Variants in KRT73 observed in about 807,000 individuals in gnomAD.
KRT73 encodes the protein keratin, type II cytoskeletal 73.
Under a neutral mutation model 47.2 loss-of-function variants are expected in KRT73, and 44 were observed. The observed-to-expected ratio is 0.93, with a 90% CI of 0.73 to 1.20. The LOEUF (loss-of-function observed/expected upper bound fraction) is 1.20, where lower values mean the gene tolerates loss of function less well. Ranked by LOEUF, KRT73 falls within the 50% of genes most tolerant of loss-of-function variation. KRT73 has a pLI of 0.00. For missense variants in KRT73, 713 were observed against 704.5 expected (o/e 1.01, Z -0.14); for synonymous variants, 285 against 291.3 (o/e 0.98, Z 0.22).
chr12:52,610,671 C>G lies in KRT73; in HGVS notation c.1275G>C (p.Leu425=), dbSNP rs755235803. The change falls in exon 7 of 9, where the codon CTG becomes CTC. Residue 425 remains leucine (L), a synonymous_variant. Coordinates refer to ENST00000305748, the MANE Select transcript of KRT73 (RefSeq NM_175068.3). ...REYQELLSVK[L]SLDIEIATYR... ...AGGTGGCGATCTCAATATCCAGGGA[C>G]AGCTTCACGCTCAAAAGCTCTTGGT... 4.3e-6 allele frequency: 7 copies of G among 1,613,862 alleles called. No individual in the cohort carries two copies. In the East Asian group the frequency reaches 8.9e-5, roughly 21 times the overall value.
chr12:52,611,909 A>C (rs1940711115), intron 5 of KRT73, among the ~76,000 whole-genome samples: 2 of 152,078 alleles, frequency 1.3e-5, no homozygotes. Context: ...GGTTGGGTGC[A>C]ATTCTATTCC....
rs375270081 is a variant in KRT73, at chr12:52,618,421, C to T, written c.104G>A (p.Gly35Glu). The T allele has an allele frequency of 6.2e-7, 1 of 1,614,150 alleles. No individual in the cohort carries two copies. Among genetic ancestry groups the T allele is most frequent in the Non-Finnish European group, 8.5e-7 (1 of 1,180,030 alleles). ...GAAGCCTCCACTGAGCCCTTTGCCC[C>T]CTGCTCGGTAGGAGGATGAGCTGCC... ...SGGSSSSYRA[G>E]GKGLSGGFSS... Residue 35 changes from glycine (G) to glutamate (E), a missense_variant, in exon 1 of 9, where the codon GGG (glycine) becomes GAG (glutamate). By Grantham distance (98) the Gly-to-Glu change is moderately conservative. Coordinates refer to ENST00000305748, the MANE Select transcript of KRT73 (RefSeq NM_175068.3).
chr12:52,628,243 G>A, the KRT73 span, among the ~76,000 whole-genome samples: 2 of 152,118 alleles, frequency 1.3e-5, no homozygotes, highest in Non-Finnish European at 2.9e-5. Flanking sequence ...CTTCTGCTAT[G>A]TTTTTATACT....
chr12:52,621,293 G>A (rs202211957), upstream of KRT73, among the ~76,000 whole-genome samples: 51,972 of 127,882 alleles, frequency 0.41, 10,880 homozygotes, highest in African/African-American at 0.44. Context: ...GAAAGAAAGG[G>A]GGGGGGGGGG....
chr12:52,609,256 C>A lies in KRT73; in HGVS notation c.1357G>T (p.Val453Leu). ...CRMSGEYTNSVSISVINSSMA... is the reference protein window; with the variant it reads ...CRMSGEYTNSLSISVINSSMA... Reference sequence around the variant, plus strand: ...GTCATGAAATACTCACAAATGCTCACGGAGTTGGTATATTCTCCGGACATC... The same window carrying A: ...GTCATGAAATACTCACAAATGCTCAAGGAGTTGGTATATTCTCCGGACATC... The change falls in exon 8 of 9, where the codon GTG becomes TTG. Residue 453 changes from valine to leucine, a missense_variant. Transcript: ENST00000305748. 1 of 1,613,618 alleles carries A rather than the reference C, an allele frequency of 6.2e-7. No homozygotes were observed. Among genetic ancestry groups the A allele is most frequent in the South Asian group, 1.1e-5 (1 of 91,042 alleles).
chr12:52,627,001 T>C, the KRT73 span, among the ~76,000 whole-genome samples: 1 of 152,222 alleles, frequency 6.6e-6, no homozygotes, highest in Non-Finnish European at 1.5e-5. Context: ...GACTGCAGTT[T>C]CTTATGCTCT....
At chr12:52,609,440 C>T (rs1940650255) in intron 7 of KRT73, among the ~76,000 whole-genome samples, 159 bp from the exon 8 acceptor site, 1 of 152,118 alleles carries the variant, frequency 6.6e-6, no homozygotes, top group Non-Finnish European at 1.5e-5. Context: ...TGTCTCTAAG[C>T]CCTCCCTCTC....
At chr12:52,619,402 T>A (rs375559474), upstream of KRT73, among the ~76,000 whole-genome samples, 1 of 152,208 alleles carries the variant, frequency 6.6e-6, no homozygotes, top group African/African-American at 2.4e-5. Context: ...GTTCAGATAA[T>A]TGAGGATGTC....
the KRT73 span, among the ~76,000 whole-genome samples, chr12:52,628,799 A>G: frequency 6.6e-6 from 1 of 152,318 alleles, no homozygotes; most frequent in South Asian, 2.1e-4. Context: ...GAAAAGAAAA[A>G]GAATTTGTTT....
At chr12:52,617,943 T>A in intron 1 of KRT73, 135 bp downstream of exon 1, 2 of 994,772 alleles carry the variant, frequency 2.0e-6, no homozygotes. Flanking sequence ...TTCAAGTTGT[T>A]TACCTGGTGT....
chr12:52,617,183 A>C (rs1188023896), intron 1 of KRT73, among the ~76,000 whole-genome samples: 3 of 152,066 alleles, frequency 2.0e-5, no homozygotes, highest in Admixed American at 6.5e-5. Context: ...CCCCACCTCC[A>C]TCTGAAAACT....
chr12:52,610,542 C>CCCCCCCCA, intron 7 of KRT73, 73 bp downstream of exon 7: 1 of 375,562 alleles, frequency 2.7e-6, no homozygotes, highest in Non-Finnish European at 4.5e-6. Flanking sequence ...CCCTCCCCCC[C>CCCCCCCCA]GCCCCCAACC....
chr12:52,609,637 C>G (rs1407661878), intron 7 of KRT73, among the ~76,000 whole-genome samples: 1 of 152,172 alleles, frequency 6.6e-6, no homozygotes, highest in Admixed American at 6.5e-5. Context: ...TACTAATGAA[C>G]GAACTGTATG....
chr12:52,610,529 G>GGGGGGGGCCCCC lies in KRT73; in HGVS notation c.1331+85_1331+86insGGGGGCCCCCCC. On this transcript the variant is annotated intron_variant, in intron 7 of 8. Coordinates refer to ENST00000305748, the MANE Select transcript of KRT73 (RefSeq NM_175068.3). Reference sequence around the variant, plus strand: ...GAAGTAAACACATCGCCAGCTCGCCGCCCCCTCCCCCCCGCCCCCAACCAC... The same window carrying GGGGGGGGCCCCC: ...GAAGTAAACACATCGCCAGCTCGCCGGGGGGGGCCCCCCCCCCTCCCCCCCGCCCCCAACCAC... 2 of 295,156 alleles carry GGGGGGGGCCCCC rather than the reference G, an allele frequency of 6.8e-6. 1 individual carries two copies. Among genetic ancestry groups the GGGGGGGGCCCCC allele is most frequent in the Non-Finnish European group, 1.4e-5 (2 of 147,648 alleles). The allele number at this position is 295,156 out of a possible 1,614,324, so 18.3% of individuals were successfully genotyped here.
At chr12:52,611,133 AG>A in intron 6 of KRT73, 70 bp downstream of exon 6, 6 of 1,562,792 alleles carry the variant, frequency 3.8e-6, no homozygotes, top group Non-Finnish European at 5.2e-6. Flanking sequence ...CAAGAGAAGG[AG>A]GGGGCAGGGG....
chr12:52,610,066 T>C (rs200370647), intron 7 of KRT73: 4 of 110,476 alleles, frequency 3.6e-5, no homozygotes, highest in Admixed American at 3.2e-4. Context: ...TTTTGTCTGT[T>C]TGTTTGTTTG....
intron 4 of KRT73, chr12:52,614,136 A>G: frequency 5.1e-6 from 2 of 390,896 alleles, no homozygotes; most frequent in Non-Finnish European, 9.2e-6. Flanking sequence ...GCTGCCACAC[A>G]TGGGACACTA....
At chr12:52,625,342 C>G in the KRT73 span, among the ~76,000 whole-genome samples, 2 of 152,158 alleles carry the variant, frequency 1.3e-5, no homozygotes, top group African/African-American at 2.4e-5. Flanking sequence ...AAAAACATCA[C>G]AAGACTTTCA....
chr12:52,610,749 C>T lies in KRT73; in HGVS notation c.1197G>A (p.Leu399=), dbSNP rs377712488. The T allele has an allele frequency of 2.5e-6, 4 of 1,613,894 alleles. No homozygotes were observed. The highest frequency in any genetic ancestry group is 3.4e-6 in the Non-Finnish European group (4 of 1,180,032). ...CCTTGGCCTGCTGCAGGGCGCCCTC[C>T]AGCTCATCCAGCTTGGCCCTGGCAT... ...LKDARAKLDE[L]EGALQQAKEE... is the part of the protein sequence containing the mutation. The change falls in exon 7 of 9, where the codon CTG becomes CTA. Residue 399 remains leucine (L), a synonymous_variant. Transcript: ENST00000305748.
Sources: gnomAD v4.1 joint callset for allele counts (sites outside exome capture counted in the v4.1 genomes callset) on GRCh38, gnomAD v4.1.1 for gene constraint, MANE v1.5 for transcripts, NCBI Gene and HGNC (gene_info 2026-07-23, HGNC 2026-07-21) for gene names.